The following SHISA9 variants were observed in gnomAD, a reference collection of about 807,000 sequenced individuals.
SHISA9 encodes the protein protein shisa-9.
Under a neutral mutation model 38.0 loss-of-function variants are expected in SHISA9, and 13 were observed. The ratio of observed to expected loss-of-function variants is 0.34; its 90% CI spans 0.22 to 0.54. SHISA9 has a LOEUF of 0.54. SHISA9 is among the 20% of genes least tolerant of loss of function. SHISA9 has a pLI of 0.91. For missense variants in SHISA9, 538 were observed against 575.8 expected (o/e 0.93, Z 0.67); for synonymous variants, 275 against 242.0 (o/e 1.14, Z -1.27).
the SHISA9 span, among the ~76,000 whole-genome samples, chr16:13,366,618 G>T: frequency 6.6e-6 from 1 of 152,042 alleles, no homozygotes; most frequent in Non-Finnish European, 1.5e-5. Context: ...TGAAGCAAGA[G>T]GATTGCTTGA....
intron 3 of SHISA9, among the ~76,000 whole-genome samples, chr16:13,211,585 C>T (rs1193493828): frequency 1.3e-5 from 2 of 152,106 alleles, no homozygotes; most frequent in Admixed American, 1.3e-4. Context: ...CATTTTTCAC[C>T]CTCAAAGTAT....
chr16:13,371,722 T>C, the SHISA9 span, among the ~76,000 whole-genome samples: 3 of 152,254 alleles, frequency 2.0e-5, no homozygotes, highest in Admixed American at 2.0e-4. Context: ...TCAACATCTG[T>C]ATGCTAAGAA....
At chr16:13,393,891 T>C in the SHISA9 span, among the ~76,000 whole-genome samples, 3 of 152,212 alleles carry the variant, frequency 2.0e-5, no homozygotes, top group African/African-American at 4.8e-5. Context: ...ATTCCTGGGA[T>C]GCTCTGACAA....
the SHISA9 span, among the ~76,000 whole-genome samples, chr16:13,342,935 T>C: frequency 6.6e-6 from 1 of 152,208 alleles, no homozygotes; most frequent in African/African-American, 2.4e-5. Flanking sequence ...TATGACGTTT[T>C]CCTATTGAAA....
At chr16:13,005,391 C>G (rs1465633103) in intron 2 of SHISA9, among the ~76,000 whole-genome samples, 1 of 152,064 alleles carries the variant, frequency 6.6e-6, no homozygotes, top group African/African-American at 2.4e-5. Flanking sequence ...TTATGAGGCG[C>G]CTACTATGTG....
At chr16:12,939,817 G>A (rs1305667460) in intron 2 of SHISA9, among the ~76,000 whole-genome samples, 2 of 152,188 alleles carry the variant, frequency 1.3e-5, no homozygotes, top group Admixed American at 1.3e-4. Flanking sequence ...TTCTCTGCAA[G>A]TGCTTGTTAA....
intron 4 of SHISA9, among the ~76,000 whole-genome samples, chr16:13,217,222 G>C (rs983409023): frequency 2.6e-5 from 4 of 152,082 alleles, no homozygotes; most frequent in African/African-American, 9.7e-5. Flanking sequence ...AGCTTGCAGT[G>C]AGCAGAGATC....
chr16:13,460,404 C>T, the SHISA9 span, among the ~76,000 whole-genome samples: 4 of 152,184 alleles, frequency 2.6e-5, no homozygotes, highest in African/African-American at 9.7e-5. Context: ...CAACAAGCCC[C>T]CCCGATCCAT....
the SHISA9 span, among the ~76,000 whole-genome samples, chr16:13,380,088 G>T: frequency 7.2e-5 from 11 of 151,910 alleles, no homozygotes; most frequent in East Asian, 2.1e-3. Context: ...CGAAGATACA[G>T]AACACAGAGA....
chr16:13,207,929 A>G (rs2051081743), intron 3 of SHISA9, among the ~76,000 whole-genome samples: 1 of 152,218 alleles, frequency 6.6e-6, no homozygotes, highest in Non-Finnish European at 1.5e-5. Flanking sequence ...TTTTCTAAAT[A>G]TTTCAATCCA....
chr16:13,453,683 A>G, the SHISA9 span, among the ~76,000 whole-genome samples: 1 of 152,230 alleles, frequency 6.6e-6, no homozygotes, highest in Non-Finnish European at 1.5e-5. Context: ...GACTAGTAAA[A>G]CATAATAAAT....
the SHISA9 span, among the ~76,000 whole-genome samples, chr16:13,438,997 C>T: frequency 0.74 from 113,202 of 152,094 alleles, 42,332 homozygotes; most frequent in Admixed American, 0.83. Context: ...TTTAAAATCC[C>T]GCCATTTGTG....
the SHISA9 span, among the ~76,000 whole-genome samples, chr16:13,365,983 A>G: frequency 2.0e-5 from 3 of 152,206 alleles, no homozygotes; most frequent in Non-Finnish European, 4.4e-5. Context: ...CTCATAGAAA[A>G]TAAAAGCTCT....
intron 2 of SHISA9, among the ~76,000 whole-genome samples, chr16:13,085,238 GTCTATATATCTATA>G (rs2073697464): frequency 6.6e-6 from 1 of 151,786 alleles, no homozygotes; most frequent in Non-Finnish European, 1.5e-5. Flanking sequence ...CTATATCTAT[GTCTATATATCTATA>G]TATCTATGTC....
chr16:13,281,682 T>C, the SHISA9 span, among the ~76,000 whole-genome samples: 1 of 151,630 alleles, frequency 6.6e-6, no homozygotes, highest in Non-Finnish European at 1.5e-5. Context: ...GTTCTAGGTA[T>C]ATCAATATAT....
At chr16:13,143,021 T>TTTATTTTA (rs372147554) in intron 2 of SHISA9, among the ~76,000 whole-genome samples, 1 of 151,788 alleles carries the variant, frequency 6.6e-6, no homozygotes, top group Admixed American at 6.6e-5. Flanking sequence ...TTTATTTTAT[T>TTTATTTTA]TTAAGACAGA....
the SHISA9 span, among the ~76,000 whole-genome samples, chr16:13,260,305 C>T: frequency 4.6e-5 from 7 of 151,988 alleles, no homozygotes; most frequent in East Asian, 1.9e-4. Flanking sequence ...CATGAGCCAC[C>T]GCGCCTGGCC....
intron 4 of SHISA9, among the ~76,000 whole-genome samples, chr16:13,217,974 G>C (rs1164615391): frequency 1.4e-5 from 2 of 141,212 alleles, no homozygotes; most frequent in African/African-American, 5.1e-5. Flanking sequence ...AGGCTGCAGT[G>C]AGCCAAGAAC....
At chr16:13,508,460 G>A in the SHISA9 span, among the ~76,000 whole-genome samples, 1 of 152,076 alleles carries the variant, frequency 6.6e-6, no homozygotes, top group African/African-American at 2.4e-5. Context: ...ATTTCCAAAA[G>A]AGAAATGACA....
Sources: gnomAD v4.1 joint callset for allele counts (sites outside exome capture counted in the v4.1 genomes callset) on GRCh38, gnomAD v4.1.1 for gene constraint, MANE v1.5 for transcripts, NCBI Gene and HGNC (gene_info 2026-07-23, HGNC 2026-07-21) for gene names.